RAB3GAP1: variants seen among roughly 807,000 people sequenced by gnomAD.
RAB3GAP1 encodes rab3 GTPase-activating protein catalytic subunit.
In RAB3GAP1, 86 loss-of-function variants were observed where a neutral mutation model predicts 130.7. The observed-to-expected ratio is 0.66, with a 90% CI of 0.55 to 0.79. The LOEUF (loss-of-function observed/expected upper bound fraction) is 0.79, where lower values mean the gene tolerates loss of function less well. Among genes scored for constraint, RAB3GAP1 ranks in the 30% least tolerant of loss-of-function variants. The pLI, the probability that RAB3GAP1 is intolerant of heterozygous loss-of-function variation, is 0.00. For missense variants in RAB3GAP1, 1,029 were observed against 1,169.4 expected (o/e 0.88, Z 1.75); for synonymous variants, 367 against 401.7 (o/e 0.91, Z 1.03).
At position 135,093,657 on chromosome 2, in the gene RAB3GAP1, A is replaced by G. The variant is rs1330386527; in HGVS notation, c.326A>G (p.Asn109Ser). 2 of 1,613,680 alleles carry G rather than the reference A, an allele frequency of 1.2e-6. No homozygotes were observed. Among genetic ancestry groups the G allele is most frequent in the Admixed American group, 1.7e-5 (1 of 60,028 alleles). The part of the protein sequence containing the change: ...QSMQDLLGMN[N>S]DFPPRAHCLV... ...ATGCAAGATTTGCTGGGTATGAATA[A>G]TGACTTTCCTCCAAGAGCACATTGC... is the stretch of plus-strand genomic sequence containing the variant. Residue 109 changes from asparagine to serine, a missense_variant, in exon 5 of 24, where the codon AAT (asparagine) becomes AGT (serine). Coordinates refer to ENST00000264158, the MANE Select transcript of RAB3GAP1 (RefSeq NM_012233.3).
At chr2:135,070,101 A>G in intron 3 of RAB3GAP1, among the ~76,000 whole-genome samples, 1 of 152,210 alleles carries the variant, frequency 6.6e-6, no homozygotes, top group South Asian at 2.1e-4. Context: ...ATAGCCAATC[A>G]CTAATCAGTG....
At chr2:135,067,870 A>G (rs975080752) in intron 3 of RAB3GAP1, among the ~76,000 whole-genome samples, 4 of 152,182 alleles carry the variant, frequency 2.6e-5, no homozygotes, top group African/African-American at 9.7e-5. Flanking sequence ...AGCTGGGACT[A>G]CAGGTACATG....
chr2:135,060,129 TTA>T (rs1491089016), intron 3 of RAB3GAP1, among the ~76,000 whole-genome samples: 1 of 152,174 alleles, frequency 6.6e-6, no homozygotes. Context: ...ATGTCAACAA[TTA>T]ATACTTTGCC....
chr2:135,150,367 A>C lies in RAB3GAP1; in HGVS notation c.1924-2A>C. 6.2e-7 allele frequency: 1 copy of C among 1,614,180 alleles called. No individual in the cohort carries two copies. The highest frequency in any genetic ancestry group is 8.5e-7 in the Non-Finnish European group (1 of 1,180,038). Reference sequence around the variant, plus strand: ...TGAGCCTTGTCCTTTTGTGCTTCACAGGAACCAGCACCTATGACAGAAGAT... The same window carrying C: ...TGAGCCTTGTCCTTTTGTGCTTCACCGGAACCAGCACCTATGACAGAAGAT... On this transcript the variant is annotated splice_acceptor_variant, in intron 17 of 23. Coordinates refer to ENST00000264158, the MANE Select transcript of RAB3GAP1 (RefSeq NM_012233.3). LOFTEE classifies it high-confidence loss of function.
At chr2:135,078,292 C>G (rs889399692) in intron 3 of RAB3GAP1, among the ~76,000 whole-genome samples, 1 of 152,036 alleles carries the variant, frequency 6.6e-6, no homozygotes, top group East Asian at 1.9e-4. Context: ...TAGAAAGGGT[C>G]TCTTGACCTT....
At position 135,153,737 on chromosome 2, in the gene RAB3GAP1, G is replaced by A; in HGVS notation, c.2150G>A (p.Gly717Asp). The A allele has an allele frequency of 6.2e-7, 1 of 1,614,018 alleles. No homozygotes were observed. Among genetic ancestry groups the A allele is most frequent in the Non-Finnish European group, 8.5e-7 (1 of 1,179,920 alleles). ...GAAGAGGAGGTGATTGATGAAAAGGGCAATGTGGTGCTGAAAGGAGAACTG... is the reference window on the plus strand; with the variant it reads ...GAAGAGGAGGTGATTGATGAAAAGGACAATGTGGTGCTGAAAGGAGAACTG... ...YIEEEVIDEK[G>D]NVVLKGELSA... is the part of the protein sequence containing the mutation. The change falls in exon 19 of 24, where the codon GGC (glycine) becomes GAC (aspartate). Residue 717 changes from glycine to aspartate, a missense_variant. Physicochemically the swap from Gly to Asp is moderately conservative, Grantham distance 94. This residue lies in a region of RAB3GAP1 where 373 missense variants were observed against 493.6 expected (regional missense o/e 0.76). Coordinates refer to ENST00000264158, the MANE Select transcript of RAB3GAP1 (RefSeq NM_012233.3).
At chr2:135,071,862 A>G (rs10193348) in intron 3 of RAB3GAP1, among the ~76,000 whole-genome samples, 47,729 of 152,150 alleles carry the variant, frequency 0.31, 11,398 homozygotes, top group African/African-American at 0.65. Flanking sequence ...GAGACTCTGT[A>G]GGTCATTGTC....
downstream of RAB3GAP1, among the ~76,000 whole-genome samples, chr2:135,171,515 G>A (rs1448708009): frequency 6.6e-6 from 1 of 152,172 alleles, no homozygotes; most frequent in African/African-American, 2.4e-5. Flanking sequence ...AGGTGCACAT[G>A]CTTGTGAAAT....
intron 17 of RAB3GAP1, among the ~76,000 whole-genome samples, chr2:135,144,260 T>G (rs1015826769): frequency 6.6e-6 from 1 of 152,152 alleles, no homozygotes; most frequent in Non-Finnish European, 1.5e-5. Flanking sequence ...GAGAAGAATT[T>G]TATTGAGTGA....
intron 3 of RAB3GAP1, among the ~76,000 whole-genome samples, chr2:135,068,665 A>C (rs535410900): frequency 2.0e-5 from 3 of 152,316 alleles, no homozygotes; most frequent in East Asian, 3.9e-4. Context: ...AGGCAGGAGA[A>C]TCATTTGAAC....
chr2:135,131,844 T>G (rs1471314365), intron 13 of RAB3GAP1, among the ~76,000 whole-genome samples: 1 of 152,254 alleles, frequency 6.6e-6, no homozygotes, highest in African/African-American at 2.4e-5. Context: ...TATTCTTAAC[T>G]GTAATTGTGG....
rs915864618 is a variant in RAB3GAP1 at position 135,143,626 on chromosome 2, C to T, written c.1924-6743C>T. ...AGGCTGGAGTGCAGTGGTGCGATCT[C>T]GGCTCACTGCAAGCTCCGCTTCCCA... On this transcript the variant is annotated intron_variant, in intron 17 of 23. Coordinates refer to ENST00000264158, the MANE Select transcript of RAB3GAP1 (RefSeq NM_012233.3). Among the ~76,000 whole-genome samples the T allele has an allele frequency of 3.1e-4, 46 of 147,976 alleles. 1 individual carries two copies. Among genetic ancestry groups the T allele is most frequent in the African/African-American group, 1.0e-3 (40 of 39,600 alleles).
chr2:135,085,477 A>G (rs1244693194), intron 3 of RAB3GAP1, among the ~76,000 whole-genome samples: 1 of 152,170 alleles, frequency 6.6e-6, no homozygotes, highest in Non-Finnish European at 1.5e-5. Context: ...TCCAGGAAAC[A>G]TATTGTGAAG....
At chr2:135,166,097 G>A (rs760095586) in intron 23 of RAB3GAP1, among the ~76,000 whole-genome samples, 4 of 151,530 alleles carry the variant, frequency 2.6e-5, no homozygotes, top group Admixed American at 2.0e-4. Context: ...ACTTGAACCC[G>A]AGAGGCAGAG....
chr2:135,119,074 C>T (rs979654094), intron 7 of RAB3GAP1, among the ~76,000 whole-genome samples: 10 of 101,742 alleles, frequency 9.8e-5, no homozygotes, highest in South Asian at 5.8e-4. Flanking sequence ...CTTCCTTCCT[C>T]CCTCCCTCCC....
chr2:135,169,074 C>G lies in RAB3GAP1; in HGVS notation c.*293C>G. 1 of 473,660 alleles carries G rather than the reference C, an allele frequency of 2.1e-6. No individual in the cohort carries two copies. The highest frequency in any genetic ancestry group is 3.9e-6 in the Non-Finnish European group (1 of 256,334). 29.3% of individuals were successfully genotyped at this position (473,660 alleles called of 1,614,324 possible). A position where few individuals can be genotyped will look rare whatever the true frequency, so the allele number is the denominator to read the frequency against. On this transcript the variant is annotated 3_prime_UTR_variant, in exon 24 of 24. Coordinates refer to ENST00000264158, the MANE Select transcript of RAB3GAP1 (RefSeq NM_012233.3). ...ACACATCAGACACTCCGTCCTCACA[C>G]TGGCAGGACGGTGTTCATCGCATTC...
At chr2:135,135,186 A>AT in intron 15 of RAB3GAP1, 79 bp from the exon 16 acceptor site, 1 of 1,129,404 alleles carries the variant, frequency 8.9e-7, no homozygotes, top group South Asian at 1.2e-5. Flanking sequence ...GCTAAAAATT[A>AT]TGGTAGTATA....
chr2:135,080,670 G>A (rs1435236471), intron 3 of RAB3GAP1, among the ~76,000 whole-genome samples: 1 of 152,136 alleles, frequency 6.6e-6, no homozygotes, highest in Non-Finnish European at 1.5e-5. Flanking sequence ...CTTAACAGTT[G>A]GCTGTGTCCC....
At chr2:135,145,819 A>T (rs560150249) in intron 17 of RAB3GAP1, among the ~76,000 whole-genome samples, 5 of 152,158 alleles carry the variant, frequency 3.3e-5, no homozygotes, top group Non-Finnish European at 7.4e-5. Context: ...TAGTCTTTAT[A>T]TTCTGAAATG....
Sources: gnomAD v4.1 joint callset for allele counts (sites outside exome capture counted in the v4.1 genomes callset) on GRCh38, gnomAD v4.1.1 for gene constraint, gnomAD v4.1.1 regional missense constraint, MANE v1.5 for transcripts, NCBI Gene and HGNC (gene_info 2026-07-23, HGNC 2026-07-21) for gene names.